Variants in CLIP2 observed in about 807,000 individuals in gnomAD.
The protein encoded by CLIP2 is CAP-Gly domain-containing linker protein 2.
Under a neutral mutation model 111.7 loss-of-function variants are expected in CLIP2, and 41 were observed. The ratio of observed to expected loss-of-function variants is 0.37; its 90% CI spans 0.29 to 0.48. The LOEUF (loss-of-function observed/expected upper bound fraction) is 0.48. Among genes scored for constraint, CLIP2 ranks in the 20% least tolerant of loss-of-function variants. The probability of loss-of-function intolerance (pLI) is 0.99; values close to 1 mark genes in which losing one functional copy is unlikely to be tolerated. For missense variants in CLIP2, 1,160 were observed against 1,422.1 expected (o/e 0.82, Z 2.96); for synonymous variants, 660 against 644.2 (o/e 1.02, Z -0.37).
chr7:74,390,769 TG>T (rs1791273878), intron 13 of CLIP2, among the ~76,000 whole-genome samples: 1 of 20,786 alleles, frequency 4.8e-5, no homozygotes, highest in Non-Finnish European at 9.9e-5. Context: ...GGTGGGGGAC[TG>T]GGCGGGGTGG....
At chr7:74,384,602 C>T (rs781941980) in intron 11 of CLIP2, among the ~76,000 whole-genome samples, 18 of 151,600 alleles carry the variant, frequency 1.2e-4, no homozygotes, top group Admixed American at 3.3e-4. Context: ...TGCGCCATCA[C>T]GCCTGGCTAA....
At chr7:74,335,215 G>C (rs932375826) in intron 2 of CLIP2, among the ~76,000 whole-genome samples, 1 of 148,888 alleles carries the variant, frequency 6.7e-6, no homozygotes, top group Non-Finnish European at 1.5e-5. Flanking sequence ...AGGTTGGAGT[G>C]AGCCGAGATT....
chr7:74,315,640 G>A (rs1225462652), intron 1 of CLIP2, among the ~76,000 whole-genome samples: 1 of 150,948 alleles, frequency 6.6e-6, no homozygotes, highest in African/African-American at 2.4e-5. Context: ...GTGCGATCTC[G>A]GCTCACTGCA....
rs868926534 is a variant in CLIP2, at chr7:74,338,888, C to A, written c.562C>A (p.Arg188=). 3.7e-6 allele frequency: 6 copies of A among 1,605,858 alleles called. No individual in the cohort carries two copies. The highest frequency in any genetic ancestry group is 4.2e-6 in the Non-Finnish European group (5 of 1,179,902). The part of the protein sequence containing the change: ...PPLTSRVIPL[R]ESVLNSSVKT... Reference sequence around the variant, plus strand: ...GCTGACCAGCCGCGTCATCCCCCTGCGGGAGAGCGTCCTCAACAGCTCCGT... The same window carrying A: ...GCTGACCAGCCGCGTCATCCCCCTGAGGGAGAGCGTCCTCAACAGCTCCGT... The change falls in exon 3 of 17, where the codon CGG becomes AGG. Residue 188 remains arginine, a synonymous_variant. Transcript: ENST00000223398. The surrounding 1 kb of genome is among the most constrained non-coding windows in gnomAD (Gnocchi z 4.3).
chr7:74,336,287 C>T (rs939220862), intron 2 of CLIP2, among the ~76,000 whole-genome samples: 10 of 151,920 alleles, frequency 6.6e-5, no homozygotes, highest in South Asian at 2.1e-4. Flanking sequence ...AGGCTGGTCT[C>T]GAACTCCTGA....
In CLIP2 at chr7:74,338,970, G is replaced by A; in HGVS notation, c.644G>A (p.Gly215Asp). Residue 215 changes from glycine to aspartate, a missense_variant, in exon 3 of 17, where the codon GGC (glycine) becomes GAC (aspartate). Coordinates refer to ENST00000223398, the MANE Select transcript of CLIP2 (RefSeq NM_003388.5). This position sits in a 1 kb window ranked among gnomAD's most constrained non-coding sequence, Gnocchi z 4.3. ...NLSDSGSVKR[G>D]EKDLRLGDRV... ...TCAGACAGCGGCTCTGTGAAGCGGG[G>A]CGAAAAGGACCTGCGCCTGGGGGAC... is the stretch of plus-strand genomic sequence containing the variant. 1 of 1,598,978 alleles carries A rather than the reference G, an allele frequency of 6.3e-7. No homozygotes were observed. Among genetic ancestry groups the A allele is most frequent in the Non-Finnish European group, 8.5e-7 (1 of 1,179,792 alleles).
At chr7:74,399,019 G>C (rs1409374367) in intron 14 of CLIP2, among the ~76,000 whole-genome samples, 5 of 151,548 alleles carry the variant, frequency 3.3e-5, no homozygotes, top group Admixed American at 3.3e-4. Flanking sequence ...GGGAGAACTT[G>C]GGAAGCCTTG....
chr7:74,358,938 C>T (rs1790232757), intron 6 of CLIP2, among the ~76,000 whole-genome samples: 1 of 152,070 alleles, frequency 6.6e-6, no homozygotes, highest in African/African-American at 2.4e-5. Flanking sequence ...TCTGACGTGA[C>T]TAGTCCCCTG....
At chr7:74,344,707 C>A (rs1247489131) in intron 3 of CLIP2, among the ~76,000 whole-genome samples, 1 of 151,940 alleles carries the variant, frequency 6.6e-6, no homozygotes, top group Non-Finnish European at 1.5e-5. Context: ...CCAGCCTAAT[C>A]GAGGATTTAG....
At chr7:74,345,041 G>A (rs906096815) in intron 3 of CLIP2, among the ~76,000 whole-genome samples, 1 of 152,142 alleles carries the variant, frequency 6.6e-6, no homozygotes, top group African/African-American at 2.4e-5. Context: ...CTGAACTTCA[G>A]TCTCTTCTTC....
At chr7:74,296,187 G>A (rs1229074514) in intron 1 of CLIP2, among the ~76,000 whole-genome samples, 3 of 151,936 alleles carry the variant, frequency 2.0e-5, no homozygotes, top group African/African-American at 7.2e-5. Flanking sequence ...TACACGCCAA[G>A]GAGAGAGGCC....
intron 1 of CLIP2, among the ~76,000 whole-genome samples, chr7:74,313,648 G>A (rs1554728795): frequency 1.3e-5 from 2 of 151,972 alleles, no homozygotes; most frequent in African/African-American, 4.8e-5. Context: ...TGCTGTCTCT[G>A]TGTTGGCACC....
chr7:74,317,362 A>T, intron 1 of CLIP2, 118 bp from the exon 2 acceptor site: 1 of 591,852 alleles, frequency 1.7e-6, no homozygotes, highest in Non-Finnish European at 2.5e-6. Context: ...CTGATAGGTT[A>T]AATCGGGTGT....
chr7:74,366,140 C>T (rs941901888), intron 8 of CLIP2, among the ~76,000 whole-genome samples: 5 of 152,100 alleles, frequency 3.3e-5, no homozygotes, highest in African/African-American at 7.2e-5. Flanking sequence ...TGGCCCCCTC[C>T]GCTTTATCAC....
At chr7:74,350,340 C>T (rs920696357) in intron 3 of CLIP2, among the ~76,000 whole-genome samples, 4 of 152,098 alleles carry the variant, frequency 2.6e-5, no homozygotes, top group African/African-American at 9.7e-5. Flanking sequence ...GTTTGAGCCA[C>T]TGTTCCTGGC....
chr7:74,307,292 C>T (rs1788519493), intron 1 of CLIP2, among the ~76,000 whole-genome samples: 1 of 152,152 alleles, frequency 6.6e-6, no homozygotes, highest in Non-Finnish European at 1.5e-5. Context: ...CAGGGCTGGG[C>T]TCGGCAGGAT....
chr7:74,361,192 C>CTTCT (rs1790321196), intron 7 of CLIP2, among the ~76,000 whole-genome samples: 3 of 125,354 alleles, frequency 2.4e-5, no homozygotes, highest in Admixed American at 8.8e-5. Flanking sequence ...TCCTTCCTTC[C>CTTCT]TTCCTTCCTT....
intron 2 of CLIP2, among the ~76,000 whole-genome samples, chr7:74,328,801 G>T (rs1789192661): frequency 6.6e-6 from 1 of 151,912 alleles, no homozygotes; most frequent in African/African-American, 2.4e-5. Context: ...CTGTCACCCA[G>T]GCTGGACTGC....
rs557303861 is a variant in CLIP2, at chr7:74,390,261, C to T, written c.2720+1002C>T. 7.2e-5 allele frequency among the ~76,000 whole-genome samples: 11 copies of T among 151,914 alleles called. No homozygotes were observed. In the South Asian group the frequency reaches 1.9e-3, roughly 26 times the overall value. ...TCCCCAAAATGTTTGGTCTCAGGGACCCCTTTAAACTCCTAAAAATTATTG... is the reference window on the plus strand; with the variant it reads ...TCCCCAAAATGTTTGGTCTCAGGGATCCCTTTAAACTCCTAAAAATTATTG... On this transcript the variant is annotated intron_variant, in intron 13 of 16. Coordinates refer to ENST00000223398, the MANE Select transcript of CLIP2 (RefSeq NM_003388.5).
Sources: allele counts gnomAD v4.1 joint callset (sites outside exome capture counted in the v4.1 genomes callset), GRCh38; gene constraint gnomAD v4.1.1; non-coding constraint Gnocchi (gnomAD v3.1); transcripts MANE v1.5; gene names NCBI Gene and HGNC (gene_info 2026-07-23, HGNC 2026-07-21).